The following TTLL5 variants were observed in gnomAD, a reference collection of about 807,000 sequenced individuals.
The protein encoded by TTLL5 is tubulin tyrosine ligase like 5.
A neutral mutation model predicts 168.4 loss-of-function variants in TTLL5; 132 were observed. That is an observed-to-expected ratio of 0.78 (90% CI 0.68 to 0.91). The LOEUF is 0.91. Ranked by LOEUF, TTLL5 falls within the 40% of genes least tolerant of loss-of-function variation. TTLL5 has a pLI of 0.00. For synonymous variants in TTLL5, 546 were observed against 558.6 expected, an observed-to-expected ratio of 0.98 and a Z score of 0.32; for missense variants, 1,545 against 1,581.5, an observed-to-expected ratio of 0.98 and a Z score of 0.39.
At chr14:75,878,301 A>G (rs1380551011) in intron 29 of TTLL5, among the ~76,000 whole-genome samples, 2 of 152,242 alleles carry the variant, frequency 1.3e-5, no homozygotes, top group Admixed American at 6.5e-5. Flanking sequence ...TTAGAAATCT[A>G]GAGATAGGCT....
chr14:75,797,412 C>A (rs950369287), intron 27 of TTLL5, among the ~76,000 whole-genome samples: 6 of 151,880 alleles, frequency 4.0e-5, no homozygotes, highest in Non-Finnish European at 4.4e-5. Flanking sequence ...GCCCTTATTT[C>A]TCTTGTCTGA....
chr14:75,799,123 T>C (rs1893146050), intron 27 of TTLL5, among the ~76,000 whole-genome samples: 1 of 152,150 alleles, frequency 6.6e-6, no homozygotes, highest in Non-Finnish European at 1.5e-5. Flanking sequence ...CTAGTAGTAA[T>C]TGTTTTATGA....
chr14:75,752,675 T>C (rs979269313), intron 17 of TTLL5, among the ~76,000 whole-genome samples: 1 of 152,186 alleles, frequency 6.6e-6, no homozygotes, highest in Non-Finnish European at 1.5e-5. Flanking sequence ...TAAATCCTCT[T>C]TTTCCATATT....
At chr14:75,863,646 C>A in intron 28 of TTLL5, 21 bp from the exon 29 acceptor site, 2 of 1,580,990 alleles carry the variant, frequency 1.3e-6, no homozygotes, top group Non-Finnish European at 1.7e-6. Flanking sequence ...CTCTAAGAAA[C>A]CTGCTTGCTT....
intron 21 of TTLL5, among the ~76,000 whole-genome samples, chr14:75,773,931 G>T (rs12892474): frequency 0.033 from 823 of 25,184 alleles, 25 homozygotes; most frequent in African/African-American, 0.065. Flanking sequence ...TATATATAGA[G>T]AGAGAGAGAG....
intron 2 of TTLL5, among the ~76,000 whole-genome samples, chr14:75,663,664 TACC>T (rs1883038920): frequency 2.0e-5 from 3 of 152,248 alleles, no homozygotes; most frequent in Admixed American, 1.3e-4. Context: ...TCAGGTAACT[TACC>T]ATAGTAACTC....
At chr14:75,916,873 G>C (rs1045420330) in intron 31 of TTLL5, among the ~76,000 whole-genome samples, 2 of 152,182 alleles carry the variant, frequency 1.3e-5, no homozygotes, top group African/African-American at 4.8e-5. Context: ...AGGAAATTCT[G>C]CAATAAGCTA....
intron 24 of TTLL5, among the ~76,000 whole-genome samples, chr14:75,780,159 T>C (rs1257665156): frequency 6.6e-6 from 1 of 152,226 alleles, no homozygotes; most frequent in Non-Finnish European, 1.5e-5. Flanking sequence ...AAGTTTGTGC[T>C]CTTAATATAT....
At chr14:75,759,993 A>G (rs1329392670) in intron 18 of TTLL5, among the ~76,000 whole-genome samples, 2 of 152,242 alleles carry the variant, frequency 1.3e-5, no homozygotes, top group East Asian at 3.9e-4. Context: ...TTCACGTTGT[A>G]CATTAGTATA....
chr14:75,732,755 T>C (rs1888624647), intron 13 of TTLL5, among the ~76,000 whole-genome samples: 2 of 152,204 alleles, frequency 1.3e-5, no homozygotes, highest in African/African-American at 4.8e-5. Context: ...ATTTCCTTCA[T>C]TACCGAAAGT....
chr14:75,764,690 C>T lies in TTLL5; in HGVS notation c.1626C>T (p.Tyr542=), dbSNP rs377113362. 41 of 1,614,118 alleles carry T rather than the reference C, an allele frequency of 2.5e-5. No individual in the cohort carries two copies. The highest frequency in any genetic ancestry group is 1.5e-4 in the African/African-American group (11 of 75,028). The change falls in exon 19 of 32, where the codon TAC becomes TAT. Residue 542 remains tyrosine (Y), a synonymous_variant. Transcript: ENST00000298832. ...NSKAKLHAAL[Y]ERKLLSLEVR... ...AGGCCAAGCTGCATGCTGCACTTTACGAGAGGAAGCTCCTGTCTCTGGAGG... is the reference window on the plus strand; with the variant it reads ...AGGCCAAGCTGCATGCTGCACTTTATGAGAGGAAGCTCCTGTCTCTGGAGG...
intron 14 of TTLL5, 33 bp downstream of exon 14, chr14:75,734,083 A>T (rs370440993): frequency 8.0e-5 from 128 of 1,605,438 alleles, no homozygotes; most frequent in Non-Finnish European, 9.3e-5. Context: ...CTGGACTCAC[A>T]TAAAAATTAA....
At chr14:75,737,630 ACTT>A (rs766233196) in intron 15 of TTLL5, 12 of 1,531,854 alleles carry the variant, frequency 7.8e-6, no homozygotes, top group Non-Finnish European at 1.0e-5. Context: ...TCTTTTGGAG[ACTT>A]CTTCAAATTT....
Position 75,799,300 on chromosome 14 carries a change from C to T in TTLL5, c.3171+6200C>T, listed in dbSNP as rs117285579. ...TGATGTAAGAATAGCTACTTCTGCTCACTTCCGTTATCCATTTGCATGGAA... is the reference window on the plus strand; with the variant it reads ...TGATGTAAGAATAGCTACTTCTGCTTACTTCCGTTATCCATTTGCATGGAA... On this transcript the variant is annotated intron_variant, in intron 27 of 31. Coordinates refer to ENST00000298832, the MANE Select transcript of TTLL5 (RefSeq NM_015072.5). Among the ~76,000 whole-genome samples the T allele has an allele frequency of 5.3e-3, 812 of 152,238 alleles. 20 individuals are homozygous for T. In the South Asian group the frequency reaches 0.081, roughly 15 times the overall value.
intron 20 of TTLL5, among the ~76,000 whole-genome samples, chr14:75,766,816 CAGG>C (rs1890990273): frequency 6.6e-6 from 1 of 152,032 alleles, no homozygotes; most frequent in South Asian, 2.1e-4. Context: ...AGTAGGGTTT[CAGG>C]AGCTTTGGGA....
chr14:75,809,555 A>G (rs907599961), intron 27 of TTLL5, among the ~76,000 whole-genome samples: 3 of 152,198 alleles, frequency 2.0e-5, no homozygotes, highest in Non-Finnish European at 2.9e-5. Context: ...TCAAAGATTT[A>G]TCTTTTCTTT....
chr14:75,785,359 T>C (rs1415594495), intron 26 of TTLL5, among the ~76,000 whole-genome samples: 2 of 152,164 alleles, frequency 1.3e-5, no homozygotes, highest in African/African-American at 4.8e-5. Flanking sequence ...TTTGTAGTTT[T>C]AGTAGAGGTG....
chr14:75,884,944 G>A (rs1566645203), intron 30 of TTLL5, among the ~76,000 whole-genome samples: 1 of 151,424 alleles, frequency 6.6e-6, no homozygotes, highest in Non-Finnish European at 1.5e-5. Context: ...GCAGAGGTGG[G>A]CGGATCACGA....
chr14:75,900,479 A>G (rs1385072400), intron 30 of TTLL5, among the ~76,000 whole-genome samples: 3 of 151,998 alleles, frequency 2.0e-5, no homozygotes, highest in African/African-American at 7.3e-5. Context: ...CTCTTTACCT[A>G]CTAGCCAATG....
Sources: allele counts gnomAD v4.1 joint callset (sites outside exome capture counted in the v4.1 genomes callset), GRCh38; gene constraint gnomAD v4.1.1; transcripts MANE v1.5; gene names NCBI Gene and HGNC (gene_info 2026-07-23, HGNC 2026-07-21).